LHX6: variants seen among roughly 807,000 people sequenced by gnomAD.
LHX6 encodes the protein LIM/homeobox protein Lhx6.
In LHX6, 15 loss-of-function variants were observed where a neutral mutation model predicts 47.1. That is an observed-to-expected ratio of 0.32 (90% CI 0.21 to 0.49). The LOEUF (loss-of-function observed/expected upper bound fraction) is 0.49, where lower values mean the gene tolerates loss of function less well. Among genes scored for constraint, LHX6 ranks in the 20% least tolerant of loss-of-function variants. LHX6 has a pLI of 0.99. For synonymous variants in LHX6, 242 were observed against 233.5 expected, an observed-to-expected ratio of 1.04 and a Z score of -0.33; for missense variants, 404 against 539.6, an observed-to-expected ratio of 0.75 and a Z score of 2.49.
chr9:122,226,642 A>G lies in LHX6; in HGVS notation c.340-145T>C. On this transcript the variant is annotated intron_variant, in intron 3 of 9. Transcript: ENST00000394319. This position sits in a 1 kb window ranked among gnomAD's most constrained non-coding sequence, Gnocchi z 6.5. ...CCTATTTTTCTCCCGTAATACTGAG[A>G]CTCAGGGAAATGGAAATAAACTCTT... 3 of 1,311,416 alleles carry G rather than the reference A, an allele frequency of 2.3e-6. No individual in the cohort carries two copies. Among genetic ancestry groups the G allele is most frequent in the Non-Finnish European group, 3.1e-6 (3 of 963,946 alleles). The allele number at this position is 1,311,416 out of a possible 1,614,324, so 81.2% of individuals were successfully genotyped here. A position where few individuals can be genotyped will look rare whatever the true frequency, so the allele number is the denominator to read the frequency against.
intron 9 of LHX6, among the ~76,000 whole-genome samples, chr9:122,208,730 G>A (rs562699035): frequency 1.3e-4 from 19 of 151,788 alleles, no homozygotes; most frequent in African/African-American, 4.3e-4. Context: ...GCTACTTCGG[G>A]AGGCTGAGGC....
chr9:122,224,718 T>G (rs1281456399), intron 4 of LHX6, among the ~76,000 whole-genome samples: 1 of 151,538 alleles, frequency 6.6e-6, no homozygotes. Context: ...CACACACACA[T>G]GCACACACAC....
At position 122,214,111 on chromosome 9, in the gene LHX6, C is replaced by A; in HGVS notation, c.784-42G>T. On this transcript the variant is annotated intron_variant, in intron 6 of 9. Coordinates refer to ENST00000394319, the MANE Select transcript of LHX6 (RefSeq NM_014368.5). This position sits in a 1 kb window ranked among gnomAD's most constrained non-coding sequence, Gnocchi z 4.6. ...GCGGTGAGGCGCTCGCACGCAGAGA[C>A]TCCGAGACCCCGGCCCAATCAGCGG... 6.5e-7 allele frequency: 1 copy of A among 1,550,226 alleles called. No individual in the cohort carries two copies. Among genetic ancestry groups the A allele is most frequent in the East Asian group, 2.3e-5 (1 of 43,932 alleles).
Position 122,213,784 on chromosome 9 carries a change from G to C in LHX6, c.880-4C>G. The stretch of plus-strand genomic sequence containing the variant: ...CCCGGCAGTTTTGAAACCACACCTG[G>C]AACGACAGCCTCGGCAGCCTCAGCC... On this transcript the variant is annotated splice_polypyrimidine_tract_variant and splice_region_variant and intron_variant, in intron 7 of 9. Transcript: ENST00000394319. This position sits in a 1 kb window ranked among gnomAD's most constrained non-coding sequence, Gnocchi z 5.5. 1 of 1,579,378 alleles carries C rather than the reference G, an allele frequency of 6.3e-7. No individual in the cohort carries two copies. The highest frequency in any genetic ancestry group is 8.6e-7 in the Non-Finnish European group (1 of 1,163,390).
intron 9 of LHX6, among the ~76,000 whole-genome samples, chr9:122,207,463 C>T (rs911291592): frequency 2.6e-5 from 4 of 152,124 alleles, no homozygotes; most frequent in Non-Finnish European, 4.4e-5. Context: ...TCTCTATGTC[C>T]ACAAAGTGGC....
Position 122,213,684 on chromosome 9 carries a change from G to C in LHX6, c.976C>G (p.Leu326Val), listed in dbSNP as rs765474854. 2 of 1,612,754 alleles carry C rather than the reference G, an allele frequency of 1.2e-6. No individual in the cohort carries two copies. Among genetic ancestry groups the C allele is most frequent in the East Asian group, 2.2e-5 (1 of 44,858 alleles). ...GGGGTGTAGTGGATGTCGTCGGACA[G>C]GGCGGAGGGAAGGCGGGACGGGGGC... ...GAPPSRLPSALSDDIHYTPFS... is the reference protein window; with the variant it reads ...GAPPSRLPSAVSDDIHYTPFS... Residue 326 changes from leucine (L) to valine (V), a missense_variant, in exon 8 of 10, where the codon CTG (leucine) becomes GTG (valine). Leu to Val is a conservative substitution (Grantham distance 32). Coordinates refer to ENST00000394319, the MANE Select transcript of LHX6 (RefSeq NM_014368.5). This position sits in a 1 kb window ranked among gnomAD's most constrained non-coding sequence, Gnocchi z 5.5.
intron 1 of LHX6, chr9:122,228,344 AACCCCCGGCGCATCGGCGCTATCAGC>A: frequency 6.5e-7 from 1 of 1,532,722 alleles, no homozygotes; most frequent in Non-Finnish European, 8.7e-7. Context: ...GCGCCGGCAC[AACCCCCGGCGCATCGGCGCTATCAGC>A]GCCTATTCAG....
At chr9:122,208,167 T>C (rs1830257266) in intron 9 of LHX6, among the ~76,000 whole-genome samples, 1 of 152,102 alleles carries the variant, frequency 6.6e-6, no homozygotes, top group Non-Finnish European at 1.5e-5. Context: ...GCCTCAAGGC[T>C]CTCGCTTTCC....
Position 122,209,622 on chromosome 9 carries a change from C to G in LHX6, c.1150G>C (p.Gly384Arg), listed in dbSNP as rs1306790045. Residue 384 changes from glycine (G) to arginine (R), a missense_variant, in exon 9 of 10, where the codon GGT (glycine) becomes CGT (arginine). Around this residue, in one of 7 missense-constraint regions of LHX6, gnomAD observed 127 missense variants for 116.1 expected, o/e 1.09. Transcript: ENST00000394319. ...ADMDGPLSNR[G>R]EKVILFQY Reference sequence around the variant, plus strand: ...AACCTGGCTCCATTTACCTTCTCACCCCGGTTGGAGAGCGGCCCATCCATA... The same window carrying G: ...AACCTGGCTCCATTTACCTTCTCACGCCGGTTGGAGAGCGGCCCATCCATA... 2.5e-6 allele frequency: 4 copies of G among 1,610,738 alleles called. No homozygotes were observed. The East Asian group carries it at 8.9e-5, about 36-fold the overall frequency.
intron 4 of LHX6, among the ~76,000 whole-genome samples, chr9:122,224,663 G>C (rs145605620): frequency 2.7e-3 from 413 of 152,074 alleles, no homozygotes; most frequent in African/African-American, 9.6e-3. Flanking sequence ...CCAGATCCTA[G>C]TCCAGATGTA....
intron 4 of LHX6, chr9:122,221,868 G>T (rs1830877237): frequency 3.9e-6 from 1 of 257,630 alleles, no homozygotes; most frequent in Non-Finnish European, 6.1e-6. Flanking sequence ...GTGTTTAGGG[G>T]CAGGGATGGC....
chr9:122,214,342 C>T lies in LHX6; in HGVS notation c.724G>A (p.Asp242Asn). 1 of 1,598,072 alleles carries T rather than the reference C, an allele frequency of 6.3e-7. No homozygotes were observed. Among genetic ancestry groups the T allele is most frequent in the Non-Finnish European group, 8.5e-7 (1 of 1,174,606 alleles). ...TLEGAVPSEQ[D>N]SQPKPAKRAR... ...CGCTTGGCCGGCTTGGGTTGACTGT[C>T]CTGTTCCGAGGGCACTGCCCCCTCC... The change falls in exon 6 of 10, where the codon GAC (aspartate) becomes AAC (asparagine). Residue 242 changes from aspartate (D) to asparagine (N), a missense_variant. Coordinates refer to ENST00000394319, the MANE Select transcript of LHX6 (RefSeq NM_014368.5). This position sits in a 1 kb window ranked among gnomAD's most constrained non-coding sequence, Gnocchi z 4.6.
Position 122,214,088 on chromosome 9 carries a change from G to A in LHX6, c.784-19C>T. The A allele has an allele frequency of 1.3e-6, 2 of 1,591,888 alleles. No individual in the cohort carries two copies. The highest frequency in any genetic ancestry group is 8.5e-7 in the Non-Finnish European group (1 of 1,174,402). The stretch of plus-strand genomic sequence containing the variant: ...GCATAACCTGCGGGGCGGGGAGGGC[G>A]GTGAGGCGCTCGCACGCAGAGACTC... On this transcript the variant is annotated intron_variant, in intron 6 of 9. Transcript: ENST00000394319. The surrounding 1 kb of genome is among the most constrained non-coding windows in gnomAD (Gnocchi z 4.6).
intron 1 of LHX6, chr9:122,228,034 A>T (rs1831184274): frequency 4.6e-6 from 2 of 435,828 alleles, no homozygotes; most frequent in Non-Finnish European, 4.1e-6. Context: ...AGAGAAAGAA[A>T]GAAAATAAAA....
chr9:122,215,995 C>T (rs1830581713), intron 5 of LHX6, among the ~76,000 whole-genome samples: 1 of 152,152 alleles, frequency 6.6e-6, no homozygotes, highest in Non-Finnish European at 1.5e-5. Flanking sequence ...TCCCAGAAGC[C>T]TCCTTGGCTT....
chr9:122,204,698 A>C lies in LHX6; in HGVS notation c.*62T>G. 1.3e-6 allele frequency: 2 copies of C among 1,588,342 alleles called. No individual in the cohort carries two copies. Among genetic ancestry groups the C allele is most frequent in the East Asian group, 2.3e-5 (1 of 43,152 alleles). On this transcript the variant is annotated 3_prime_UTR_variant, in exon 10 of 10. Coordinates refer to ENST00000394319, the MANE Select transcript of LHX6 (RefSeq NM_014368.5). Reference sequence around the variant, plus strand: ...CTCCTGGCCGCAGCTTGGACACTGGATCTCAGCGGCTGAGGGGCAGCTGTG... The same window carrying C: ...CTCCTGGCCGCAGCTTGGACACTGGCTCTCAGCGGCTGAGGGGCAGCTGTG...
intron 9 of LHX6, among the ~76,000 whole-genome samples, chr9:122,208,475 T>C (rs1003455100): frequency 6.6e-6 from 1 of 152,176 alleles, no homozygotes; most frequent in Non-Finnish European, 1.5e-5. Flanking sequence ...AACAGATTCA[T>C]GGATGCTGGG....
At chr9:122,219,806 T>G (rs1830762782) in intron 4 of LHX6, among the ~76,000 whole-genome samples, 1 of 152,184 alleles carries the variant, frequency 6.6e-6, no homozygotes, top group Non-Finnish European at 1.5e-5. Context: ...ACCTAGAACC[T>G]GCGGAGCAAC....
At position 122,219,970 on chromosome 9, in the gene LHX6, C is replaced by A. The variant is rs193165581; in HGVS notation, c.462-2682G>T. Among the ~76,000 whole-genome samples the A allele has an allele frequency of 3.1e-4, 47 of 152,356 alleles. No individual in the cohort carries two copies. In the East Asian group the frequency reaches 8.9e-3, roughly 29 times the overall value. On this transcript the variant is annotated intron_variant, in intron 4 of 9. Transcript: ENST00000394319. ...TCCTGGAGAAGGCGGTGAGTGCGTC[C>A]TCAGGGAGCGGACAGAGCCGGAGCA...
Sources: allele counts gnomAD v4.1 joint callset (sites outside exome capture counted in the v4.1 genomes callset), GRCh38; gene constraint gnomAD v4.1.1; regional missense constraint gnomAD v4.1.1; non-coding constraint Gnocchi (gnomAD v3.1); transcripts MANE v1.5; gene names NCBI Gene and HGNC (gene_info 2026-07-23, HGNC 2026-07-21).